The following APLF variants were observed in gnomAD, a reference collection of about 807,000 sequenced individuals.
APLF encodes aprataxin and PNK-like factor.
In APLF, 61 loss-of-function variants were observed where a neutral mutation model predicts 55.6. The observed-to-expected ratio is 1.10, with a 90% confidence interval of 0.89 to 1.36. The LOEUF is 1.36. Ranked by LOEUF, APLF falls within the 40% of genes most tolerant of loss-of-function variation. The pLI is 0.00. For missense variants in APLF, 611 were observed against 602.5 expected (o/e 1.01, Z -0.15); for synonymous variants, 207 against 214.8 (o/e 0.96, Z 0.32).
Position 68,567,379 on chromosome 2 carries a change from C to T in APLF, c.1325C>T (p.Thr442Met), listed in dbSNP as rs199832884. The part of the protein sequence containing the change: ...PQHKIEYRHN[T>M]LPVRNVLDED... ...CACAAGATAGAATATAGACATAATA[C>T]GCTTCCAGGTAAGTAAGTTTACTTC... The change falls in exon 9 of 10, where the codon ACG becomes ATG. Residue 442 changes from threonine to methionine, a missense_variant. Transcript: ENST00000303795. The T allele has an allele frequency of 8.2e-5, 131 of 1,600,602 alleles. 2 individuals are homozygous for T. The Admixed American group carries it at 1.8e-3, about 22-fold the overall frequency.
At chr2:68,480,638 T>C (rs1675924719) in intron 1 of APLF, among the ~76,000 whole-genome samples, 1 of 152,008 alleles carries the variant, frequency 6.6e-6, no homozygotes, top group Admixed American at 6.6e-5. Context: ...TGGCTAGGAC[T>C]AATAGTACTA....
chr2:68,481,293 T>C lies in APLF; in HGVS notation c.97-8897T>C, dbSNP rs139189930. Among the ~76,000 whole-genome samples the C allele has an allele frequency of 6.5e-3, 987 of 152,336 alleles. 7 individuals carry two copies. The highest frequency in any genetic ancestry group is 0.023 in the African/African-American group (940 of 41,576). On this transcript the variant is annotated intron_variant, in intron 1 of 9. Transcript: ENST00000303795. ...TTGTTGAGTGGTGACGGAATTCCCT[T>C]AGTTTTTGCTTGTTTGGGAAAACTT... is the stretch of plus-strand genomic sequence containing the variant.
chr2:68,526,226 C>T lies in APLF; in HGVS notation c.788C>T (p.Ser263Phe). 3 of 1,603,178 alleles carry T rather than the reference C, an allele frequency of 1.9e-6. No homozygotes were observed. The highest frequency in any genetic ancestry group is 1.7e-6 in the Non-Finnish European group (2 of 1,176,844). ...EECKNTDQEE[S>F]TISSKEMPQS... is the part of the protein sequence containing the mutation. The stretch of plus-strand genomic sequence containing the variant: ...TGCAAAAATACTGATCAGGAAGAGT[C>T]TACCATTTCATCCAAGGTGATTTTA... The change falls in exon 6 of 10, where the codon TCT becomes TTT. Residue 263 changes from serine (S) to phenylalanine (F), a missense_variant. Coordinates refer to ENST00000303795, the MANE Select transcript of APLF (RefSeq NM_173545.3).
chr2:68,469,522 T>C (rs1392001032), intron 1 of APLF, among the ~76,000 whole-genome samples: 1 of 152,264 alleles, frequency 6.6e-6, no homozygotes, highest in Non-Finnish European at 1.5e-5. Context: ...CTTTTCCTTT[T>C]GAAATAACAT....
At chr2:68,467,934 C>T (rs1675483647) in intron 1 of APLF, 107 bp downstream of exon 1, 5 of 854,704 alleles carry the variant, frequency 5.8e-6, no homozygotes, top group Non-Finnish European at 1.6e-6. Context: ...ACTGGTCCGC[C>T]GGTCCGGATT....
rs1001660965 is a variant in APLF, at chr2:68,578,568, G to T, written c.*546G>T. ...TTATCCTTCAAAACTTGGGAAGATT[G>T]GTTCCAAATGGGTACTGAAAATAGA... is the stretch of plus-strand genomic sequence containing the variant. On this transcript the variant is annotated 3_prime_UTR_variant, in exon 10 of 10. Transcript: ENST00000303795. 32 of 985,308 alleles carry T rather than the reference G, an allele frequency of 3.2e-5. No homozygotes were observed. Among genetic ancestry groups the T allele is most frequent in the Non-Finnish European group, 3.9e-5 (32 of 830,084 alleles). 61.0% of individuals were successfully genotyped at this position (985,308 alleles called of 1,614,324 possible).
At chr2:68,501,986 T>C (rs535792568) in intron 2 of APLF, among the ~76,000 whole-genome samples, 335 of 152,264 alleles carry the variant, frequency 2.2e-3, no homozygotes, top group Middle Eastern at 0.01. Flanking sequence ...TTTTGCTGCA[T>C]CATAACGTGG....
chr2:68,545,255 T>TG lies in APLF; in HGVS notation c.1232dup (p.Gln412ProfsTer3). Reference sequence around the variant, plus strand: ...AGTGATTATGGAGGTGTACAAATCGTGGGCCAAGATGAGACTGATGACCGG... The same window carrying TG: ...AGTGATTATGGAGGTGTACAAATCGTGGGGCCAAGATGAGACTGATGACCGG... On this transcript the variant is annotated frameshift_variant, in exon 8 of 10. Coordinates refer to ENST00000303795, the MANE Select transcript of APLF (RefSeq NM_173545.3). LOFTEE classifies it high-confidence loss of function. The TG allele has an allele frequency of 6.2e-7, 1 of 1,613,918 alleles. No homozygotes were observed. Among genetic ancestry groups the TG allele is most frequent in the Non-Finnish European group, 8.5e-7 (1 of 1,179,850 alleles).
At chr2:68,468,989 G>GGTGT (rs34695552) in intron 1 of APLF, among the ~76,000 whole-genome samples, 53,342 of 146,526 alleles carry the variant, frequency 0.36, 10,985 homozygotes, top group Admixed American at 0.52. Flanking sequence ...GTCCTAAAGG[G>GGTGT]GTGTGTGTGT....
intron 2 of APLF, among the ~76,000 whole-genome samples, chr2:68,500,764 C>A (rs1202776904): frequency 6.6e-6 from 1 of 152,184 alleles, no homozygotes; most frequent in East Asian, 1.9e-4. Flanking sequence ...CCATGACATA[C>A]TCAAGGAAAG....
At chr2:68,569,808 G>A (rs1430773878) in intron 9 of APLF, among the ~76,000 whole-genome samples, 1 of 152,076 alleles carries the variant, frequency 6.6e-6, no homozygotes, top group Admixed American at 6.6e-5. Flanking sequence ...CTGTGATATG[G>A]GGATGAGGTA....
intron 9 of APLF, among the ~76,000 whole-genome samples, chr2:68,577,344 C>CT (rs376926646): frequency 1.3e-4 from 20 of 152,260 alleles, no homozygotes; most frequent in African/African-American, 4.8e-4. Flanking sequence ...GGATCAGCCT[C>CT]TATCTGGGAC....
intron 8 of APLF, among the ~76,000 whole-genome samples, chr2:68,553,782 A>C (rs1169823850): frequency 6.6e-6 from 1 of 152,040 alleles, no homozygotes; most frequent in Non-Finnish European, 1.5e-5. Flanking sequence ...CATGAGCTAC[A>C]ACATGTTTAC....
At chr2:68,489,869 G>A (rs35682733) in intron 1 of APLF, among the ~76,000 whole-genome samples, 11 of 151,956 alleles carry the variant, frequency 7.2e-5, no homozygotes, top group Non-Finnish European at 1.3e-4. Flanking sequence ...CAGACTTTTC[G>A]TATTTTATGA....
At chr2:68,576,186 GA>G (rs916574673) in intron 9 of APLF, among the ~76,000 whole-genome samples, 15 of 151,906 alleles carry the variant, frequency 9.9e-5, no homozygotes, top group Admixed American at 3.3e-4. Context: ...TCACATCTTA[GA>G]AAAAAAAGTT....
intron 9 of APLF, among the ~76,000 whole-genome samples, chr2:68,570,865 T>C (rs186408519): frequency 5.9e-5 from 9 of 152,250 alleles, no homozygotes; most frequent in Admixed American, 2.0e-4. Context: ...CCTGAGGAAT[T>C]GCCACACTGT....
chr2:68,549,900 C>T (rs1433424203), intron 8 of APLF, among the ~76,000 whole-genome samples: 3 of 152,128 alleles, frequency 2.0e-5, no homozygotes, highest in Non-Finnish European at 4.4e-5. Flanking sequence ...CATATTGACT[C>T]TCCAGTTTCT....
chr2:68,514,748 T>C (rs532157173), intron 5 of APLF, among the ~76,000 whole-genome samples: 1 of 151,958 alleles, frequency 6.6e-6, no homozygotes, highest in South Asian at 2.1e-4. Context: ...TTCTGCCACG[T>C]GTGACTTGGA....
At chr2:68,487,513 A>C (rs955504398) in intron 1 of APLF, among the ~76,000 whole-genome samples, 4 of 152,138 alleles carry the variant, frequency 2.6e-5, no homozygotes, top group Non-Finnish European at 5.9e-5. Context: ...GATTTTGTGA[A>C]GACTGAAAAA....
Sources: gnomAD v4.1 joint callset for allele counts (sites outside exome capture counted in the v4.1 genomes callset) on GRCh38, gnomAD v4.1.1 for gene constraint, MANE v1.5 for transcripts, NCBI Gene and HGNC (gene_info 2026-07-23, HGNC 2026-07-21) for gene names.